Variants in NME8 observed in about 807,000 individuals in gnomAD.
NME8 encodes NME/NM23 family member 8.
A neutral mutation model predicts 82.3 loss-of-function variants in NME8; 72 were observed. That is an observed-to-expected ratio of 0.87 (90% CI 0.72 to 1.06). The LOEUF (loss-of-function observed/expected upper bound fraction) is 1.06, where lower values mean the gene tolerates loss of function less well. Among genes scored for constraint, NME8 ranks in the 50% least tolerant of loss-of-function variants. The pLI is 0.00. For synonymous variants in NME8, 267 were observed against 228.5 expected, an observed-to-expected ratio of 1.17 and a Z score of -1.52; for missense variants, 712 against 685.4, an observed-to-expected ratio of 1.04 and a Z score of -0.43.
At chr7:37,891,860 C>T (rs1202366258) in intron 15 of NME8, among the ~76,000 whole-genome samples, 2 of 152,028 alleles carry the variant, frequency 1.3e-5, no homozygotes, top group Non-Finnish European at 2.9e-5. Context: ...TTTGTTTTCT[C>T]TGCTTTAAAT....
chr7:37,871,556 A>T (rs1784767420), intron 11 of NME8, among the ~76,000 whole-genome samples: 1 of 152,102 alleles, frequency 6.6e-6, no homozygotes, highest in Admixed American at 6.6e-5. Flanking sequence ...TTATTCTGTT[A>T]TGTGTTGATT....
At chr7:37,867,486 C>A (rs987836773) in intron 10 of NME8, among the ~76,000 whole-genome samples, 1 of 151,862 alleles carries the variant, frequency 6.6e-6, no homozygotes, top group African/African-American at 2.4e-5. Context: ...ATCACTATGT[C>A]CCCCATGAAT....
chr7:37,894,581 T>C lies in NME8; in HGVS notation c.1515T>C (p.Phe505=). The C allele has an allele frequency of 6.3e-7, 1 of 1,593,252 alleles. No homozygotes were observed. Among genetic ancestry groups the C allele is most frequent in the Non-Finnish European group, 8.6e-7 (1 of 1,161,488 alleles). ...KIYPKVTGKD[F]YKDLLEMLSV... Reference sequence around the variant, plus strand: ...ATCCAAAAGTAACAGGAAAAGACTTTTATAAAGATTTATTGGAAATGTTAT... The same window carrying C: ...ATCCAAAAGTAACAGGAAAAGACTTCTATAAAGATTTATTGGAAATGTTAT... Residue 505 remains phenylalanine (F), a synonymous_variant, in exon 16 of 18, where the codon TTT becomes TTC. Transcript: ENST00000199447.
At position 37,884,345 on chromosome 7, in the gene NME8, TG is replaced by T. The variant is rs757720923; in HGVS notation, c.1039del (p.Glu347SerfsTer5). 1 of 1,598,916 alleles carries T rather than the reference TG, an allele frequency of 6.3e-7. No homozygotes were observed. Among genetic ancestry groups the T allele is most frequent in the Non-Finnish European group, 8.6e-7 (1 of 1,166,198 alleles). ...RIIKDEDFKI[L>X]EQRQVVLSEK... The stretch of plus-strand genomic sequence containing the variant: ...ATTAAAGATGAAGACTTCAAAATAC[TG>T]GAGCAAAGACAAGTAGTATTATCGG... On this transcript the variant is annotated frameshift_variant, in exon 13 of 18. Transcript: ENST00000199447. LOFTEE classifies it high-confidence loss of function.
intron 11 of NME8, among the ~76,000 whole-genome samples, chr7:37,873,405 A>C (rs1416789568): frequency 2.0e-5 from 3 of 150,626 alleles, no homozygotes; most frequent in Admixed American, 6.6e-5. Flanking sequence ...GTACCTTTGA[A>C]TATATAAACA....
At chr7:37,857,186 A>G in intron 5 of NME8, 88 bp from the exon 6 acceptor site, 1 of 1,028,166 alleles carries the variant, frequency 9.7e-7, no homozygotes, top group East Asian at 2.6e-5. Context: ...TAAAAATTAT[A>G]TATATCTCTG....
intron 11 of NME8, among the ~76,000 whole-genome samples, chr7:37,868,193 G>T (rs961769917): frequency 4.6e-5 from 7 of 152,166 alleles, no homozygotes; most frequent in African/African-American, 1.7e-4. Flanking sequence ...GCAGAAGAGT[G>T]CAGCGGGGCT....
intron 5 of NME8, among the ~76,000 whole-genome samples, chr7:37,853,141 C>T (rs1204953310): frequency 1.3e-5 from 2 of 152,082 alleles, no homozygotes; most frequent in East Asian, 3.9e-4. Flanking sequence ...GAGGTGTCTG[C>T]TAAGGATTTT....
intron 11 of NME8, among the ~76,000 whole-genome samples, chr7:37,875,153 T>A (rs540017275): frequency 6.6e-6 from 1 of 152,180 alleles, no homozygotes; most frequent in African/African-American, 2.4e-5. Context: ...ATCAATATCA[T>A]GAAAGACAAA....
intron 11 of NME8, among the ~76,000 whole-genome samples, chr7:37,871,703 C>T (rs1583634364): frequency 6.6e-6 from 1 of 152,104 alleles, no homozygotes; most frequent in Admixed American, 6.5e-5. Context: ...CATTTCCAAC[C>T]ACCTCTACTA....
intron 6 of NME8, among the ~76,000 whole-genome samples, chr7:37,858,155 A>G (rs921717817): frequency 6.6e-6 from 1 of 152,232 alleles, no homozygotes; most frequent in Non-Finnish European, 1.5e-5. Flanking sequence ...GACACAGGGT[A>G]TAGCTGCTAC....
chr7:37,882,599 G>GAAAGAAAGAAAGAAAGAA (rs1374421441), intron 12 of NME8, among the ~76,000 whole-genome samples: 29 of 39,800 alleles, frequency 7.3e-4, no homozygotes, highest in East Asian at 2.0e-3. Flanking sequence ...AAGAAAGAAA[G>GAAAGAAAGAAAGAAAGAA]AGAGAGAGAG....
At chr7:37,884,613 C>T (rs536066685) in intron 13 of NME8, among the ~76,000 whole-genome samples, 166 bp downstream of exon 13, 11 of 152,290 alleles carry the variant, frequency 7.2e-5, no homozygotes, top group African/African-American at 1.4e-4. Context: ...TGCTCACCTG[C>T]CTGTCTTCTC....
At chr7:37,868,330 C>T (rs1265257272) in intron 11 of NME8, among the ~76,000 whole-genome samples, 1 of 152,126 alleles carries the variant, frequency 6.6e-6, no homozygotes, top group Non-Finnish European at 1.5e-5. Flanking sequence ...AATAATTGCA[C>T]TTGTAGACAT....
At chr7:37,862,000 TC>T (rs1784603419) in intron 6 of NME8, 27 bp from the exon 7 acceptor site, 1 of 1,403,118 alleles carries the variant, frequency 7.1e-7, no homozygotes, top group Admixed American at 1.7e-5. Context: ...AAATGAAAGT[TC>T]CCCTCCTGTT....
intron 2 of NME8, among the ~76,000 whole-genome samples, chr7:37,849,307 G>A (rs2131936539): frequency 6.6e-6 from 1 of 152,096 alleles, no homozygotes; most frequent in South Asian, 2.1e-4. Context: ...AAGATCCACG[G>A]GCATGTTCAT....
chr7:37,853,318 A>G (rs527730229), intron 5 of NME8, among the ~76,000 whole-genome samples: 2 of 152,222 alleles, frequency 1.3e-5, no homozygotes, highest in South Asian at 4.1e-4. Context: ...TAAAGACGAG[A>G]TTCTGTAACA....
At chr7:37,859,574 T>C (rs1784568197) in intron 6 of NME8, among the ~76,000 whole-genome samples, 1 of 152,232 alleles carries the variant, frequency 6.6e-6, no homozygotes, top group Non-Finnish European at 1.5e-5. Flanking sequence ...CTTCAATAAC[T>C]TTCTTTTCTT....
chr7:37,853,679 C>G (rs982830486), intron 5 of NME8, among the ~76,000 whole-genome samples: 4 of 152,102 alleles, frequency 2.6e-5, no homozygotes, highest in African/African-American at 9.7e-5. Context: ...CCATTGTGAG[C>G]AGCAATGGAG....
Sources: gnomAD v4.1 joint callset for allele counts (sites outside exome capture counted in the v4.1 genomes callset) on GRCh38, gnomAD v4.1.1 for gene constraint, MANE v1.5 for transcripts, NCBI Gene and HGNC (gene_info 2026-07-23, HGNC 2026-07-21) for gene names.